The following LCLAT1 variants were observed in gnomAD, a reference collection of about 807,000 sequenced individuals.
LCLAT1 encodes lysocardiolipin acyltransferase 1, also known as 1-AGP acyltransferase 8.
Under a neutral mutation model 30.7 loss-of-function variants are expected in LCLAT1, and 11 were observed. The ratio of observed to expected loss-of-function variants is 0.36; its 90% CI spans 0.23 to 0.59. The LOEUF is 0.59. LCLAT1 is among the 20% of genes least tolerant of loss of function. The pLI, the probability that LCLAT1 is intolerant of heterozygous loss-of-function variation, is 0.77. For missense variants in LCLAT1, 402 were observed against 458.6 expected, an observed-to-expected ratio of 0.88 and a Z score of 1.13; for synonymous variants, 155 against 151.3, an observed-to-expected ratio of 1.02 and a Z score of -0.18.
In LCLAT1 at chr2:30,462,530, A is replaced by C. The variant is rs777087694; in HGVS notation, c.-5+15147A>C. Among the ~76,000 whole-genome samples, 51 of 152,220 alleles carry C rather than the reference A, an allele frequency of 3.4e-4. 1 individual carries two copies. Among genetic ancestry groups the C allele is most frequent in the Non-Finnish European group, 7.3e-5 (5 of 68,038 alleles). On this transcript the variant is annotated intron_variant, in intron 1 of 5. Coordinates refer to ENST00000379509, the MANE Select transcript of LCLAT1 (RefSeq NM_001002257.3). ...CAGGAAGACCATGAGTGAACTGGAA[A>C]GGCAGTGCTGATGACAATGAATACT...
At chr2:30,595,725 C>T (rs1279499716) in intron 5 of LCLAT1, among the ~76,000 whole-genome samples, 1 of 152,116 alleles carries the variant, frequency 6.6e-6, no homozygotes, top group Non-Finnish European at 1.5e-5. Context: ...GTTTGCTGCA[C>T]CTATCAACCC....
chr2:30,496,106 G>T (rs1684098197), intron 1 of LCLAT1, among the ~76,000 whole-genome samples: 1 of 152,120 alleles, frequency 6.6e-6, no homozygotes, highest in African/African-American at 2.4e-5. Context: ...GCAGGAGGAA[G>T]AGAAAGGGGG....
chr2:30,576,371 A>G (rs1665993339), intron 5 of LCLAT1, among the ~76,000 whole-genome samples: 1 of 152,102 alleles, frequency 6.6e-6, no homozygotes. Flanking sequence ...ATAGAAAACA[A>G]CTTCTGAAGG....
At chr2:30,471,363 C>T (rs1682779379) in intron 1 of LCLAT1, among the ~76,000 whole-genome samples, 1 of 152,094 alleles carries the variant, frequency 6.6e-6, no homozygotes, top group Non-Finnish European at 1.5e-5. Context: ...GTGTGTGCCA[C>T]CACACCTGAC....
At chr2:30,498,772 C>T (rs992739222) in intron 1 of LCLAT1, among the ~76,000 whole-genome samples, 13 of 152,158 alleles carry the variant, frequency 8.5e-5, no homozygotes, top group Admixed American at 2.6e-4. Flanking sequence ...GTTCTTTATA[C>T]GGTATTTCTC....
rs1669432825 is a variant in LCLAT1 at position 30,643,775 on chromosome 2, C to T, written c.*3156C>T. 6.6e-6 allele frequency: 1 copy of T among 152,632 alleles called. No individual in the cohort carries two copies. The highest frequency in any genetic ancestry group is 1.5e-5 in the Non-Finnish European group (1 of 68,036). The allele number at this position is 152,632 out of a possible 1,614,324, so 9.5% of individuals were successfully genotyped here. A position where few individuals can be genotyped will look rare whatever the true frequency, so the allele number is the denominator to read the frequency against. ...TGCTTTCAGTGCCTTAGTTACAGCT[C>T]CCTTTCTGTTTCTTGTTCCAAGGAT... On this transcript the variant is annotated 3_prime_UTR_variant, in exon 6 of 6. Coordinates refer to ENST00000379509, the MANE Select transcript of LCLAT1 (RefSeq NM_001002257.3).
intron 2 of LCLAT1, among the ~76,000 whole-genome samples, chr2:30,530,696 C>T (rs780392261): frequency 2.0e-5 from 3 of 152,098 alleles, no homozygotes; most frequent in Non-Finnish European, 2.9e-5. Flanking sequence ...TGGGCATGTT[C>T]CACAATGCCT....
rs554693617 is a variant in LCLAT1, at chr2:30,622,251, C to G, written c.629-17866C>G. Among the ~76,000 whole-genome samples the G allele has an allele frequency of 6.4e-4, 98 of 152,260 alleles. 2 individuals are homozygous for G. Among genetic ancestry groups the G allele is most frequent in the Admixed American group, 4.2e-3 (65 of 15,312 alleles). ...CATCCCCCACAGCAGCCACAGCAAGCCCTGCCCAAGTAGAGCCTGAGCTCA... is the reference window on the plus strand; with the variant it reads ...CATCCCCCACAGCAGCCACAGCAAGGCCTGCCCAAGTAGAGCCTGAGCTCA... On this transcript the variant is annotated intron_variant, in intron 5 of 5. Coordinates refer to ENST00000379509, the MANE Select transcript of LCLAT1 (RefSeq NM_001002257.3).
chr2:30,457,186 A>G (rs1681877969), intron 1 of LCLAT1, among the ~76,000 whole-genome samples: 1 of 152,190 alleles, frequency 6.6e-6, no homozygotes, highest in Non-Finnish European at 1.5e-5. Flanking sequence ...CCTGGTAGAG[A>G]AAAATTTATC....
chr2:30,529,666 C>T (rs1237895466), intron 2 of LCLAT1, among the ~76,000 whole-genome samples: 1 of 152,062 alleles, frequency 6.6e-6, no homozygotes, highest in Non-Finnish European at 1.5e-5. Flanking sequence ...AACTGTCTAC[C>T]CAGGGCACAA....
chr2:30,638,959 C>G (rs1035202877), intron 5 of LCLAT1, among the ~76,000 whole-genome samples: 3 of 152,042 alleles, frequency 2.0e-5, no homozygotes, highest in African/African-American at 7.3e-5. Context: ...ACTATTCTAC[C>G]TCTTTTGCCC....
intron 1 of LCLAT1, among the ~76,000 whole-genome samples, chr2:30,521,678 T>C (rs1685484686): frequency 6.6e-6 from 1 of 151,724 alleles, no homozygotes; most frequent in Non-Finnish European, 1.5e-5. Context: ...AGCTAATTTT[T>C]GTATTTTTAG....
At chr2:30,565,850 G>C (rs1287764887) in intron 4 of LCLAT1, among the ~76,000 whole-genome samples, 2 of 152,144 alleles carry the variant, frequency 1.3e-5, no homozygotes, top group East Asian at 3.8e-4. Context: ...AAGCCTCTCT[G>C]TTAAGTTTCT....
chr2:30,611,389 C>T (rs1667732967), intron 5 of LCLAT1, among the ~76,000 whole-genome samples: 1 of 152,018 alleles, frequency 6.6e-6, no homozygotes, highest in South Asian at 2.1e-4. Flanking sequence ...TGTATACACT[C>T]ACACTTTCAG....
intron 5 of LCLAT1, among the ~76,000 whole-genome samples, chr2:30,631,222 T>C (rs995580806): frequency 1.3e-5 from 2 of 152,204 alleles, no homozygotes; most frequent in African/African-American, 4.8e-5. Flanking sequence ...TGTGGTTTTC[T>C]TGTGGCTTTC....
chr2:30,473,801 T>C (rs1332576879), intron 1 of LCLAT1, among the ~76,000 whole-genome samples: 1 of 152,222 alleles, frequency 6.6e-6, no homozygotes, highest in African/African-American at 2.4e-5. Flanking sequence ...AGTCTGAATA[T>C]TGGCTCTAAA....
chr2:30,602,642 CT>C (rs1396395761), intron 5 of LCLAT1, among the ~76,000 whole-genome samples: 3 of 149,536 alleles, frequency 2.0e-5, no homozygotes, highest in Non-Finnish European at 4.5e-5. Context: ...TAATCAGTTC[CT>C]TCCTAATGAC....
chr2:30,595,575 G>A (rs1156587532), intron 5 of LCLAT1, among the ~76,000 whole-genome samples: 3 of 152,054 alleles, frequency 2.0e-5, no homozygotes, highest in Middle Eastern at 3.2e-3. Flanking sequence ...TCAGCACCTA[G>A]CTGCTTTGAG....
At chr2:30,604,352 T>C (rs1323571672) in intron 5 of LCLAT1, among the ~76,000 whole-genome samples, 2 of 148,718 alleles carry the variant, frequency 1.3e-5, no homozygotes, top group East Asian at 2.0e-4. Context: ...GCTGTCTAGC[T>C]GTCTTTTAAT....
Sources: gnomAD v4.1 joint callset for allele counts (sites outside exome capture counted in the v4.1 genomes callset) on GRCh38, gnomAD v4.1.1 for gene constraint, MANE v1.5 for transcripts, NCBI Gene and HGNC (gene_info 2026-07-23, HGNC 2026-07-21) for gene names.